Variants in COG5 observed in about 807,000 individuals in gnomAD.
The protein encoded by COG5 is component of oligomeric golgi complex 5.
In COG5, 86 loss-of-function variants were observed where a neutral mutation model predicts 110.4. The observed-to-expected ratio is 0.78, with a 90% confidence interval of 0.65 to 0.93. COG5 has a LOEUF of 0.93. COG5 is among the 40% of genes least tolerant of loss of function. COG5 has a pLI of 0.00. For missense variants in COG5, 1,077 were observed against 987.0 expected (o/e 1.09, Z -1.22); for synonymous variants, 360 against 334.6 (o/e 1.08, Z -0.83).
chr7:107,300,551 G>C (rs1215998309), intron 11 of COG5, among the ~76,000 whole-genome samples: 1 of 152,072 alleles, frequency 6.6e-6, no homozygotes, highest in Non-Finnish European at 1.5e-5. Flanking sequence ...ATCAGAAGTT[G>C]AAATTTTAAA....
At chr7:107,261,945 C>G (rs944154161) in intron 14 of COG5, among the ~76,000 whole-genome samples, 2 of 150,678 alleles carry the variant, frequency 1.3e-5, no homozygotes, top group Non-Finnish European at 2.9e-5. Context: ...AACTGGAGGA[C>G]AGTGGCATGT....
intron 6 of COG5, among the ~76,000 whole-genome samples, chr7:107,511,762 A>T (rs1799533983): frequency 6.6e-6 from 1 of 152,234 alleles, no homozygotes; most frequent in Non-Finnish European, 1.5e-5. Context: ...AATAAATGTA[A>T]TCCAGCATAT....
At chr7:107,255,250 T>C (rs569117284) in intron 16 of COG5, among the ~76,000 whole-genome samples, 1 of 152,276 alleles carries the variant, frequency 6.6e-6, no homozygotes, top group South Asian at 2.1e-4. Flanking sequence ...TTGATACATA[T>C]GCCAACCTTA....
chr7:107,470,268 A>G (rs1234250223), intron 6 of COG5: 1 of 152,228 alleles, frequency 6.6e-6, no homozygotes, highest in African/African-American at 2.4e-5. Context: ...TGTTCCATAC[A>G]TTAGCAGTAC....
At chr7:107,281,811 C>A (rs536816263) in intron 13 of COG5, among the ~76,000 whole-genome samples, 21 of 152,198 alleles carry the variant, frequency 1.4e-4, no homozygotes, top group Admixed American at 1.0e-3. Flanking sequence ...ATATAAATTA[C>A]ACATGATATA....
At chr7:107,350,101 T>C (rs568058839) in intron 10 of COG5, among the ~76,000 whole-genome samples, 314 of 152,342 alleles carry the variant, frequency 2.1e-3, no homozygotes, top group Non-Finnish European at 3.4e-3. Flanking sequence ...TGTTGGATTC[T>C]GTCAAATGCT....
At chr7:107,313,349 T>C (rs1419022842) in intron 11 of COG5, among the ~76,000 whole-genome samples, 1 of 152,156 alleles carries the variant, frequency 6.6e-6, no homozygotes, top group African/African-American at 2.4e-5. Context: ...ACAACTGGAA[T>C]GCCAGAGGAA....
rs557383207 is a variant in COG5 at position 107,215,611 on chromosome 7, C to A, written c.2169-4386G>T. The stretch of plus-strand genomic sequence containing the variant: ...CCCGGGAGGCAGAGTTTGCAGTGAG[C>A]CAAGATTGTACCACAGCACTTACAG... On this transcript the variant is annotated intron_variant, in intron 19 of 21. Transcript: ENST00000297135. 7.1e-4 allele frequency among the ~76,000 whole-genome samples: 108 copies of A among 151,944 alleles called. 4 individuals are homozygous for A. In the South Asian group the frequency reaches 0.023, roughly 32 times the overall value.
intron 14 of COG5, among the ~76,000 whole-genome samples, chr7:107,272,585 A>G (rs1242207393): frequency 2.0e-5 from 3 of 152,118 alleles, no homozygotes; most frequent in Non-Finnish European, 4.4e-5. Context: ...TTTGAGAAAT[A>G]TTTTTGTTTT....
intron 6 of COG5, among the ~76,000 whole-genome samples, chr7:107,414,537 A>G (rs1253664980): frequency 1.3e-5 from 2 of 151,948 alleles, no homozygotes; most frequent in Non-Finnish European, 2.9e-5. Context: ...CTAGGCTTTC[A>G]ATATTCTAGT....
At chr7:107,276,034 T>C (rs968859049) in intron 14 of COG5, among the ~76,000 whole-genome samples, 2 of 152,280 alleles carry the variant, frequency 1.3e-5, no homozygotes, top group Admixed American at 6.5e-5. Context: ...ACATAGCTAC[T>C]GATCTGCATT....
chr7:107,508,173 C>T (rs1052389222), intron 6 of COG5, among the ~76,000 whole-genome samples: 2 of 152,222 alleles, frequency 1.3e-5, no homozygotes, highest in South Asian at 4.1e-4. Context: ...TCGGGTAACT[C>T]CCACCCTAAT....
At chr7:107,441,763 G>T (rs926666471) in intron 6 of COG5, among the ~76,000 whole-genome samples, 9 of 152,144 alleles carry the variant, frequency 5.9e-5, no homozygotes, top group African/African-American at 2.2e-4. Flanking sequence ...GACCATATGT[G>T]CTAAATTTTA....
At chr7:107,367,268 A>G (rs1434383649) in intron 8 of COG5, among the ~76,000 whole-genome samples, 1 of 152,138 alleles carries the variant, frequency 6.6e-6, no homozygotes, top group East Asian at 1.9e-4. Flanking sequence ...CACAGTACCC[A>G]TAAAACATTT....
intron 7 of COG5, among the ~76,000 whole-genome samples, chr7:107,379,456 A>G (rs926375239): frequency 6.6e-6 from 1 of 152,196 alleles, no homozygotes; most frequent in Admixed American, 6.5e-5. Flanking sequence ...TAAATGCCCC[A>G]ATTAAAAGAC....
intron 19 of COG5, among the ~76,000 whole-genome samples, chr7:107,215,791 G>C (rs925975453): frequency 6.6e-6 from 1 of 150,964 alleles, no homozygotes; most frequent in African/African-American, 2.4e-5. Flanking sequence ...TTCACTGCAA[G>C]CTCTGCCTCC....
Position 107,411,401 on chromosome 7 carries a change from T to C in COG5, c.669+1101A>G, listed in dbSNP as rs181418051. On this transcript the variant is annotated intron_variant, in intron 7 of 21. Transcript: ENST00000297135. ...TTCATCCTTACAGGGAGACCTAGAG[T>C]TAAAACATAATTGACCAAACAACTA... 4.6e-5 allele frequency among the ~76,000 whole-genome samples: 7 copies of C among 152,278 alleles called. No homozygotes were observed. The East Asian group carries it at 1.4e-3, about 29-fold the overall frequency.
At chr7:107,514,051 TAATAAAATAA>T (rs142318189) in intron 6 of COG5, among the ~76,000 whole-genome samples, 10 of 151,578 alleles carry the variant, frequency 6.6e-5, no homozygotes, top group East Asian at 1.9e-4. Context: ...AGTATAATAA[TAATAAAATAA>T]AATAAAATAA....
chr7:107,324,419 CAAAAT>C lies in COG5; in HGVS notation c.1108+16_1108+20del, dbSNP rs751319514. The C allele has an allele frequency of 7.0e-7, 1 of 1,431,764 alleles. No homozygotes were observed. Among genetic ancestry groups the C allele is most frequent in the Non-Finnish European group, 9.8e-7 (1 of 1,022,292 alleles). The allele number at this position is 1,431,764 out of a possible 1,614,324, so 88.7% of individuals were successfully genotyped here. On this transcript the variant is annotated intron_variant, in intron 11 of 21. Coordinates refer to ENST00000297135, the MANE Select transcript of COG5 (RefSeq NM_006348.5). The stretch of plus-strand genomic sequence containing the variant: ...AACTTAAAACTTTGAAATTAATTTT[CAAAAT>C]AAGTAGTAAACTTACAGTTTGTTGC...
Sources: allele counts gnomAD v4.1 joint callset (sites outside exome capture counted in the v4.1 genomes callset), GRCh38; gene constraint gnomAD v4.1.1; transcripts MANE v1.5; gene names NCBI Gene and HGNC (gene_info 2026-07-23, HGNC 2026-07-21).